RNF180: variants seen among roughly 807,000 people sequenced by gnomAD.
RNF180 encodes ring finger protein 180, also known as E3 ubiquitin-protein ligase RNF180.
Under a neutral mutation model 59.2 loss-of-function variants are expected in RNF180, and 38 were observed. The observed-to-expected ratio is 0.64, with a 90% CI of 0.50 to 0.84. RNF180 has a LOEUF of 0.84. Among genes scored for constraint, RNF180 ranks in the 40% least tolerant of loss-of-function variants. The pLI is 0.00. For synonymous variants in RNF180, 262 were observed against 240.3 expected, an observed-to-expected ratio of 1.09 and a Z score of -0.84; for missense variants, 705 against 700.9, an observed-to-expected ratio of 1.01 and a Z score of -0.07.
chr5:64,261,834 T>C (rs1744357767), intron 5 of RNF180, among the ~76,000 whole-genome samples: 1 of 152,122 alleles, frequency 6.6e-6, no homozygotes, highest in Admixed American at 6.6e-5. Context: ...CGTTTGGTGT[T>C]TGGCAGACCC....
chr5:64,318,233 G>A (rs180900381), intron 5 of RNF180, among the ~76,000 whole-genome samples: 1 of 152,234 alleles, frequency 6.6e-6, no homozygotes, highest in Admixed American at 6.5e-5. Flanking sequence ...ACTATATTCT[G>A]TAATAAAAGT....
intron 7 of RNF180, among the ~76,000 whole-genome samples, chr5:64,331,448 C>T (rs890610481): frequency 1.3e-5 from 2 of 152,140 alleles, no homozygotes; most frequent in Non-Finnish European, 2.9e-5. Flanking sequence ...CTCTTTAGCC[C>T]ATAAAAACCC....
intron 5 of RNF180, among the ~76,000 whole-genome samples, chr5:64,267,816 C>T (rs1744775742): frequency 6.6e-6 from 1 of 151,982 alleles, no homozygotes; most frequent in Non-Finnish European, 1.5e-5. Flanking sequence ...AAAGTCTTTG[C>T]AATGATTAGT....
intron 5 of RNF180, among the ~76,000 whole-genome samples, chr5:64,220,475 A>G (rs975321384): frequency 1.3e-5 from 2 of 152,000 alleles, no homozygotes; most frequent in Non-Finnish European, 2.9e-5. Context: ...TTGCAACTTC[A>G]TTTGGTCCAT....
At chr5:64,208,755 C>T (rs1752156559) in intron 2 of RNF180, among the ~76,000 whole-genome samples, 2 of 152,006 alleles carry the variant, frequency 1.3e-5, no homozygotes, top group East Asian at 1.9e-4. Flanking sequence ...GCTTTCCTAC[C>T]TGTATGAATT....
intron 7 of RNF180, among the ~76,000 whole-genome samples, chr5:64,353,321 C>G (rs187249418): frequency 6.6e-6 from 1 of 151,664 alleles, no homozygotes; most frequent in Admixed American, 6.6e-5. Context: ...TGTAATAGAA[C>G]ATAAACTGAA....
intron 1 of RNF180, among the ~76,000 whole-genome samples, chr5:64,166,661 T>C (rs1186640366): frequency 6.6e-6 from 1 of 152,212 alleles, no homozygotes; most frequent in Non-Finnish European, 1.5e-5. Context: ...CAGTTGTAAG[T>C]GTATCTGTGA....
chr5:64,287,633 A>G lies in RNF180; in HGVS notation c.1228-37553A>G, dbSNP rs1188617448. ...TAATTGCCATTCTGACTGGCGTGCA[A>G]TGGTATCTCATTGTGGTTTTGATTT... On this transcript the variant is annotated intron_variant, in intron 5 of 7. Transcript: ENST00000389100. 7.2e-5 allele frequency among the ~76,000 whole-genome samples: 11 copies of G among 152,162 alleles called. No homozygotes were observed. In the East Asian group the frequency reaches 1.9e-3, roughly 27 times the overall value.
At chr5:64,229,438 G>A (rs1053554593) in intron 5 of RNF180, among the ~76,000 whole-genome samples, 2 of 152,176 alleles carry the variant, frequency 1.3e-5, no homozygotes, top group African/African-American at 4.8e-5. Context: ...TACTAGGGTA[G>A]AATATGGATT....
intron 7 of RNF180, among the ~76,000 whole-genome samples, chr5:64,341,115 A>G (rs1745338544): frequency 6.6e-6 from 1 of 152,192 alleles, no homozygotes; most frequent in East Asian, 1.9e-4. Flanking sequence ...ATAAAAGTGC[A>G]CATGTATGCT....
At chr5:64,184,422 A>G (rs1405020252) in intron 1 of RNF180, among the ~76,000 whole-genome samples, 1 of 152,096 alleles carries the variant, frequency 6.6e-6, no homozygotes, top group Non-Finnish European at 1.5e-5. Flanking sequence ...GTCTAGATCC[A>G]TTATTTCATC....
intron 2 of RNF180, among the ~76,000 whole-genome samples, chr5:64,206,692 A>G (rs1312521347): frequency 6.6e-6 from 1 of 152,190 alleles, no homozygotes; most frequent in African/African-American, 2.4e-5. Flanking sequence ...ATCTGGAGAT[A>G]GGGTCTTTAG....
At chr5:64,235,153 C>A (rs1278993186) in intron 5 of RNF180, among the ~76,000 whole-genome samples, 1 of 152,032 alleles carries the variant, frequency 6.6e-6, no homozygotes, top group African/African-American at 2.4e-5. Flanking sequence ...GCATGTTGGC[C>A]TGCACTGTAG....
At chr5:64,360,177 C>T (rs1001581518) in intron 7 of RNF180, among the ~76,000 whole-genome samples, 8 of 151,842 alleles carry the variant, frequency 5.3e-5, no homozygotes, top group Non-Finnish European at 1.0e-4. Context: ...TGAAGAAAGG[C>T]ATTGGTAGCT....
At chr5:64,223,862 G>T (rs1034992056) in intron 5 of RNF180, among the ~76,000 whole-genome samples, 19 of 152,156 alleles carry the variant, frequency 1.2e-4, no homozygotes, top group African/African-American at 4.3e-4. Context: ...GAAGTAGAGG[G>T]GGGGAGACAC....
chr5:64,188,563 A>G (rs905652527), intron 1 of RNF180, among the ~76,000 whole-genome samples: 2 of 152,210 alleles, frequency 1.3e-5, no homozygotes, highest in African/African-American at 4.8e-5. Context: ...TCATAAATTT[A>G]TCAATTTTAC....
chr5:64,312,254 A>G (rs145351380), intron 5 of RNF180, among the ~76,000 whole-genome samples: 1 of 152,206 alleles, frequency 6.6e-6, no homozygotes, highest in East Asian at 1.9e-4. Context: ...AAAGATTTCT[A>G]ACAAGATCTC....
chr5:64,234,886 A>G (rs1036724901), intron 5 of RNF180, among the ~76,000 whole-genome samples: 3 of 152,046 alleles, frequency 2.0e-5, no homozygotes, highest in African/African-American at 7.2e-5. Context: ...GGCGTGAGCC[A>G]CTGCGCCCAG....
intron 1 of RNF180, among the ~76,000 whole-genome samples, chr5:64,177,139 A>G (rs1750280645): frequency 6.6e-6 from 1 of 152,180 alleles, no homozygotes; most frequent in African/African-American, 2.4e-5. Context: ...TTGTATAGCT[A>G]CACGTGTCTG....
Sources: gnomAD v4.1 joint callset for allele counts (sites outside exome capture counted in the v4.1 genomes callset) on GRCh38, gnomAD v4.1.1 for gene constraint, MANE v1.5 for transcripts, NCBI Gene and HGNC (gene_info 2026-07-23, HGNC 2026-07-21) for gene names.